The following RBFOX1 variants were observed in gnomAD, a reference collection of about 807,000 sequenced individuals.
The protein encoded by RBFOX1 is RNA binding protein fox-1 homolog 1.
RBFOX1 carries 8 observed loss-of-function variants against 57.7 expected under a neutral mutation model. The ratio of observed to expected loss-of-function variants is 0.14; its 90% CI spans 0.08 to 0.25. The LOEUF is 0.25. Ranked by LOEUF, RBFOX1 falls within the 10% of genes least tolerant of loss-of-function variation. The probability of loss-of-function intolerance (pLI) is 1.00; values close to 1 mark genes in which losing one functional copy is unlikely to be tolerated. For missense variants in RBFOX1, 611 were observed against 548.5 expected (o/e 1.11, Z -1.14); for synonymous variants, 326 against 222.4 (o/e 1.47, Z -4.15).
At chr16:6,623,094 G>A (rs114006935) in intron 2 of RBFOX1, among the ~76,000 whole-genome samples, 2,296 of 152,272 alleles carry the variant, frequency 0.015, 68 homozygotes, top group African/African-American at 0.052. Flanking sequence ...TGTGTCCCTT[G>A]AAGTATTATG....
At chr16:6,869,474 T>A (rs899442633) in intron 3 of RBFOX1, among the ~76,000 whole-genome samples, 2 of 10,826 alleles carry the variant, frequency 1.8e-4, no homozygotes, top group Non-Finnish European at 3.0e-4. Flanking sequence ...CTTTTGAGGT[T>A]TTTTTTTTTT....
intron 2 of RBFOX1, among the ~76,000 whole-genome samples, chr16:6,618,835 G>C (rs1444496696): frequency 6.6e-6 from 1 of 152,108 alleles, no homozygotes; most frequent in Non-Finnish European, 1.5e-5. Context: ...TGCTTCTCTT[G>C]GTGAAAAATT....
intron 2 of RBFOX1, among the ~76,000 whole-genome samples, chr16:6,620,126 T>A (rs946600640): frequency 2.0e-5 from 3 of 152,150 alleles, no homozygotes; most frequent in Non-Finnish European, 4.4e-5. Context: ...GCATTTAGGT[T>A]AAACTGAAAT....
At chr16:7,198,986 C>G (rs1380357653) in intron 4 of RBFOX1, among the ~76,000 whole-genome samples, 5 of 152,122 alleles carry the variant, frequency 3.3e-5, no homozygotes, top group African/African-American at 1.2e-4. Flanking sequence ...TGGTGTCCAT[C>G]TGGGAAAGTA....
chr16:5,972,913 G>C (rs897461530), intron 4 of RBFOX1, among the ~76,000 whole-genome samples: 9 of 152,154 alleles, frequency 5.9e-5, no homozygotes, highest in African/African-American at 1.7e-4. Flanking sequence ...GCTTTCCCCA[G>C]CTTTTCCACA....
intron 4 of RBFOX1, among the ~76,000 whole-genome samples, chr16:7,399,219 A>G (rs187839289): frequency 1.3e-5 from 2 of 152,354 alleles, no homozygotes; most frequent in East Asian, 1.9e-4. Flanking sequence ...AGGCCGAAGC[A>G]GGTGGATTAC....
At chr16:6,372,355 A>G (rs1231465829) in intron 2 of RBFOX1, among the ~76,000 whole-genome samples, 1 of 148,496 alleles carries the variant, frequency 6.7e-6, no homozygotes, top group East Asian at 2.0e-4. Flanking sequence ...GTATAGTCGG[A>G]TGGAAGGATG....
intron 2 of RBFOX1, among the ~76,000 whole-genome samples, chr16:6,576,223 G>A (rs1056244492): frequency 1.3e-5 from 2 of 152,246 alleles, no homozygotes; most frequent in South Asian, 4.1e-4. Context: ...GGAGCCTGTC[G>A]TAGCATCTCA....
chr16:5,289,940 A>G (rs1031753965), intron 1 of RBFOX1, among the ~76,000 whole-genome samples: 1 of 152,276 alleles, frequency 6.6e-6, no homozygotes, highest in African/African-American at 2.4e-5. Context: ...TAGCAGCGTT[A>G]TTCATAATAG....
intron 1 of RBFOX1, among the ~76,000 whole-genome samples, chr16:5,447,994 C>G (rs914430740): frequency 2.0e-5 from 3 of 152,174 alleles, no homozygotes; most frequent in African/African-American, 7.2e-5. Context: ...GGTCAGCTCT[C>G]ACTTCCTGTT....
At position 5,538,270 on chromosome 16, in the gene RBFOX1, C is replaced by G. The variant is rs551833349; in HGVS notation, c.259-60632C>G. ...TTGATATTGAAAAAGTCAATAAGCC[C>G]TTTGAGCCTTGGTTTTCTTAGCTTT... On this transcript the variant is annotated intron_variant, in intron 2 of 2. Transcript: ENST00000585867. Among the ~76,000 whole-genome samples, 9 of 152,280 alleles carry G rather than the reference C, an allele frequency of 5.9e-5. No homozygotes were observed. The East Asian group carries it at 1.7e-3, about 29-fold the overall frequency.
chr16:6,148,555 G>A (rs957755882), intron 1 of RBFOX1, among the ~76,000 whole-genome samples: 1 of 152,052 alleles, frequency 6.6e-6, no homozygotes, highest in African/African-American at 2.4e-5. Context: ...TATCAAATTA[G>A]GACCAATAAG....
chr16:7,710,861 C>G lies in RBFOX1; in HGVS notation c.*116C>G, dbSNP rs1401632390. The stretch of plus-strand genomic sequence containing the variant: ...AGCAACTCTAAAAAAAAAAAAAATA[C>G]AAATAAAAAGGAAAAAAAATTACAT... On this transcript the variant is annotated 3_prime_UTR_variant, in exon 16 of 16. Transcript: ENST00000550418. The G allele has an allele frequency of 3.0e-6, 3 of 994,774 alleles. No individual in the cohort carries two copies. The highest frequency in any genetic ancestry group is 1.3e-6 in the Non-Finnish European group (1 of 755,610). The allele number at this position is 994,774 out of a possible 1,614,324, so 61.6% of individuals were successfully genotyped here.
chr16:6,861,823 G>GTTTTTTTTTTTT (rs35138717), intron 3 of RBFOX1, among the ~76,000 whole-genome samples: 27 of 92,450 alleles, frequency 2.9e-4, no homozygotes, highest in Non-Finnish European at 4.1e-4. Context: ...GCGTCCCTTG[G>GTTTTTTTTTTTT]TTTTTTTTTT....
intron 1 of RBFOX1, among the ~76,000 whole-genome samples, chr16:6,275,230 G>A (rs980941679): frequency 7.2e-5 from 11 of 151,950 alleles, no homozygotes; most frequent in Non-Finnish European, 1.6e-4. Flanking sequence ...AGAAGGGTGT[G>A]AACCCAGGAG....
At chr16:7,051,902 T>A (rs1212211849) in intron 3 of RBFOX1, among the ~76,000 whole-genome samples, 155 bp from the exon 4 acceptor site, 1 of 152,196 alleles carries the variant, frequency 6.6e-6, no homozygotes, top group Non-Finnish European at 1.5e-5. Context: ...CAAGTGAAGC[T>A]TGAGCTATGT....
intron 3 of RBFOX1, among the ~76,000 whole-genome samples, chr16:6,682,142 A>G (rs1457685029): frequency 6.6e-6 from 1 of 152,194 alleles, no homozygotes; most frequent in Non-Finnish European, 1.5e-5. Flanking sequence ...TGTGCCTTGA[A>G]TGTGTATTGT....
At chr16:5,653,595 C>A (rs2049323275) in intron 3 of RBFOX1, among the ~76,000 whole-genome samples, 1 of 152,278 alleles carries the variant, frequency 6.6e-6, no homozygotes, top group East Asian at 1.9e-4. Context: ...TCCCTGACCT[C>A]CTTTGCCTCT....
chr16:7,660,371 C>A (rs558954198), intron 12 of RBFOX1, among the ~76,000 whole-genome samples: 26 of 152,148 alleles, frequency 1.7e-4, no homozygotes, highest in Non-Finnish European at 3.2e-4. Flanking sequence ...CTGTTTAGTG[C>A]GCAATGGTAA....
Sources: allele counts gnomAD v4.1 joint callset (sites outside exome capture counted in the v4.1 genomes callset), GRCh38; gene constraint gnomAD v4.1.1; transcripts MANE v1.5; gene names NCBI Gene and HGNC (gene_info 2026-07-23, HGNC 2026-07-21).